Variants in POU6F2 observed in about 807,000 individuals in gnomAD.
POU6F2 encodes the protein POU domain, class 6, transcription factor 2.
Under a neutral mutation model 71.3 loss-of-function variants are expected in POU6F2, and 31 were observed. The observed-to-expected ratio is 0.43, with a 90% CI of 0.33 to 0.59. POU6F2 has a LOEUF of 0.59. POU6F2 is among the 20% of genes least tolerant of loss of function. The pLI is 0.04. For missense variants in POU6F2, 783 were observed against 856.8 expected (o/e 0.91, Z 1.07); for synonymous variants, 347 against 355.7 (o/e 0.98, Z 0.27).
intron 4 of POU6F2, among the ~76,000 whole-genome samples, chr7:39,226,655 A>G (rs1168644526): frequency 2.0e-5 from 3 of 152,210 alleles, no homozygotes; most frequent in Non-Finnish European, 4.4e-5. Context: ...AAAACCTAGA[A>G]CATGTTAGCA....
chr7:39,397,814 G>GTATATATATATATGTATATATATA (rs1554349982), intron 5 of POU6F2, among the ~76,000 whole-genome samples: 2 of 128,448 alleles, frequency 1.6e-5, no homozygotes, highest in African/African-American at 6.5e-5. Context: ...TATATTTTGT[G>GTATATATATATATGTATATATATA]TATATATATA....
At chr7:39,404,886 TC>T (rs1304323079) in intron 5 of POU6F2, 4 of 152,132 alleles carry the variant, frequency 2.6e-5, no homozygotes, top group African/African-American at 4.8e-5. Context: ...ACCCCACCTA[TC>T]CTTTAAAGAC....
chr7:39,317,612 C>T (rs773614074), intron 4 of POU6F2, among the ~76,000 whole-genome samples: 3 of 152,102 alleles, frequency 2.0e-5, no homozygotes, highest in Non-Finnish European at 4.4e-5. Context: ...TTTTGGAGGC[C>T]TTTCTAATTA....
chr7:38,981,163 C>A (rs1010903871), intron 1 of POU6F2, among the ~76,000 whole-genome samples: 6 of 152,194 alleles, frequency 3.9e-5, no homozygotes, highest in African/African-American at 1.2e-4. Flanking sequence ...GGATGATTTT[C>A]AATTCAATTC....
chr7:39,175,911 G>A (rs571097502), intron 2 of POU6F2, among the ~76,000 whole-genome samples: 1 of 152,298 alleles, frequency 6.6e-6, no homozygotes, highest in South Asian at 2.1e-4. Flanking sequence ...AGGATTACCT[G>A]TGACTCAACA....
chr7:39,145,054 A>G (rs969678574), intron 2 of POU6F2, among the ~76,000 whole-genome samples: 7 of 152,224 alleles, frequency 4.6e-5, no homozygotes, highest in African/African-American at 1.2e-4. Context: ...TGGACATTTC[A>G]TGCCAATTTT....
intron 2 of POU6F2, among the ~76,000 whole-genome samples, chr7:39,112,046 A>G (rs1791823839): frequency 6.6e-6 from 1 of 152,180 alleles, no homozygotes; most frequent in South Asian, 2.1e-4. Context: ...AGAAGTCCTT[A>G]GGCAGGGATG....
intron 1 of POU6F2, among the ~76,000 whole-genome samples, chr7:39,053,818 A>G (rs1790449190): frequency 6.6e-6 from 1 of 152,142 alleles, no homozygotes; most frequent in South Asian, 2.1e-4. Context: ...ATTTAAAAAA[A>G]AAGACCAGCC....
intron 4 of POU6F2, chr7:39,329,160 G>T (rs1313185308): frequency 6.6e-6 from 1 of 150,780 alleles, no homozygotes; most frequent in Non-Finnish European, 1.5e-5. Context: ...ATATGGCTTG[G>T]TGTAATATAT....
At chr7:39,112,106 T>C (rs985753043) in intron 2 of POU6F2, among the ~76,000 whole-genome samples, 1 of 152,156 alleles carries the variant, frequency 6.6e-6, no homozygotes, top group Admixed American at 6.5e-5. Context: ...ACCCTTCCAG[T>C]TCTATAGTTC....
chr7:39,129,036 C>G (rs1218568721), intron 2 of POU6F2, among the ~76,000 whole-genome samples: 1 of 152,104 alleles, frequency 6.6e-6, no homozygotes, highest in Non-Finnish European at 1.5e-5. Flanking sequence ...AATAAACATA[C>G]CTGAAATGAC....
At chr7:39,424,534 C>T (rs1787923804) in intron 6 of POU6F2, among the ~76,000 whole-genome samples, 1 of 152,120 alleles carries the variant, frequency 6.6e-6, no homozygotes, top group Non-Finnish European at 1.5e-5. Context: ...TGATACATTT[C>T]CTAGACACCG....
At chr7:39,070,961 T>C (rs1029586560) in intron 1 of POU6F2, among the ~76,000 whole-genome samples, 1 of 152,170 alleles carries the variant, frequency 6.6e-6, no homozygotes, top group Non-Finnish European at 1.5e-5. Flanking sequence ...TATATAGCAG[T>C]GGTCCCCGTT....
At chr7:39,078,218 G>A (rs1051014878) in intron 1 of POU6F2, among the ~76,000 whole-genome samples, 65 of 152,194 alleles carry the variant, frequency 4.3e-4, no homozygotes, top group African/African-American at 1.5e-3. Flanking sequence ...AAAGCTTAAT[G>A]AAGTCATAGT....
intron 5 of POU6F2, among the ~76,000 whole-genome samples, chr7:39,341,897 T>A (rs1308652402): frequency 2.0e-5 from 3 of 152,186 alleles, no homozygotes; most frequent in Non-Finnish European, 4.4e-5. Flanking sequence ...GAAAATAAAC[T>A]TAGGGGAATT....
chr7:39,457,975 G>A (rs1788842995), intron 8 of POU6F2, among the ~76,000 whole-genome samples: 1 of 151,996 alleles, frequency 6.6e-6, no homozygotes, highest in Non-Finnish European at 1.5e-5. Flanking sequence ...GCATTTTTAG[G>A]TGTTTTGTTT....
chr7:39,288,327 A>ACCTCAC (rs1784688730), intron 4 of POU6F2, among the ~76,000 whole-genome samples: 1 of 152,114 alleles, frequency 6.6e-6, no homozygotes. Context: ...ATGGCAAATA[A>ACCTCAC]CCTCACCTCT....
chr7:39,006,463 CA>C, intron 1 of POU6F2, among the ~76,000 whole-genome samples: 1 of 150,036 alleles, frequency 6.7e-6, no homozygotes, highest in Non-Finnish European at 1.5e-5. Flanking sequence ...GACTCAGTCT[CA>C]AAAAAATAAA....
chr7:39,363,545 A>G (rs7801145), intron 5 of POU6F2, among the ~76,000 whole-genome samples: 27,068 of 150,814 alleles, frequency 0.18, 2,938 homozygotes, highest in East Asian at 0.59. Flanking sequence ...AGAGGCCTGG[A>G]TAAGATTACT....
Sources: allele counts gnomAD v4.1 joint callset (sites outside exome capture counted in the v4.1 genomes callset), GRCh38; gene constraint gnomAD v4.1.1; transcripts MANE v1.5; gene names NCBI Gene and HGNC (gene_info 2026-07-23, HGNC 2026-07-21).